The following EIF2S3 variants were observed in gnomAD, a reference collection of about 807,000 sequenced individuals.
The protein encoded by EIF2S3 is eukaryotic translation initiation factor 2 subunit 3.
Under a neutral mutation model 31.7 loss-of-function variants are expected in EIF2S3, and 2 were observed. The ratio of observed to expected loss-of-function variants is 0.06; its 90% CI spans 0.03 to 0.20. The LOEUF (loss-of-function observed/expected upper bound fraction) is 0.20. Among genes scored for constraint, EIF2S3 ranks in the 10% least tolerant of loss-of-function variants. The pLI is 1.00. For synonymous variants in EIF2S3, 120 were observed against 126.7 expected (o/e 0.95, Z 0.36); for missense variants, 96 against 359.3 (o/e 0.27, Z 5.92).
chrX:24,075,028 C>A (rs960448302), intron 11 of EIF2S3, among the ~76,000 whole-genome samples: 8 of 108,680 alleles, frequency 7.4e-5, no homozygotes, highest in Middle Eastern at 4.7e-3. Context: ...CCACACCCGG[C>A]TAATTTTTGT....
At chrX:24,066,719 G>A (rs1364606904) in intron 8 of EIF2S3, among the ~76,000 whole-genome samples, 1 of 110,849 alleles carries the variant, frequency 9.0e-6, no homozygotes, top group Admixed American at 9.6e-5. Flanking sequence ...TCACCATGTT[G>A]GCCAGGCTGG....
At chrX:24,074,862 CTTTT>C (rs758813480) in intron 11 of EIF2S3, among the ~76,000 whole-genome samples, 55 of 47,462 alleles carry the variant, frequency 1.2e-3, no homozygotes, top group Non-Finnish European at 1.6e-3. Context: ...TTTTCTTCTT[CTTTT>C]TTTTTTTTTT....
At chrX:24,075,553 T>G (rs770219113) in intron 11 of EIF2S3, among the ~76,000 whole-genome samples, 1 of 111,608 alleles carries the variant, frequency 9.0e-6, no homozygotes, top group East Asian at 2.8e-4. Flanking sequence ...CATGCTGTGT[T>G]TAATAATTTC....
At position 24,071,565 on chromosome X, in the gene EIF2S3, A is replaced by G. The variant is rs745586952; in HGVS notation, c.1020A>G (p.Gly340=). Residue 340 remains glycine, a synonymous_variant, in exon 10 of 12, where the codon GGA becomes GGG. Coordinates refer to ENST00000253039, the MANE Select transcript of EIF2S3 (RefSeq NM_001415.4). The part of the protein sequence containing the change: ...YAAPGGLIGV[G]TKIDPTLCRA... ...CATCTTATTTTTATATAGGAGTTGG[A>G]ACAAAAATTGACCCCACTTTGTGCC... The G allele has an allele frequency of 5.0e-5, 60 of 1,207,744 alleles. No homozygotes were observed. The highest frequency in any genetic ancestry group is 6.7e-5 in the Non-Finnish European group (60 of 894,548).
chrX:24,060,217 G>A (rs778808561), intron 5 of EIF2S3, 35 bp downstream of exon 5: 7 of 1,098,620 alleles, frequency 6.4e-6, no homozygotes, highest in Non-Finnish European at 1.3e-6. Context: ...ACAAATCAAT[G>A]TGGAACAAAT....
intron 4 of EIF2S3, among the ~76,000 whole-genome samples, chrX:24,058,788 A>G (rs1930446834): frequency 9.1e-6 from 1 of 109,344 alleles, no homozygotes; most frequent in East Asian, 2.9e-4. Flanking sequence ...ACGGGGTTTT[A>G]CCATGTTGGC....
intron 5 of EIF2S3, among the ~76,000 whole-genome samples, 184 bp from the exon 6 acceptor site, chrX:24,062,232 T>G: frequency 9.0e-6 from 1 of 110,834 alleles, no homozygotes; most frequent in East Asian, 2.8e-4. Flanking sequence ...TCCAGAACTT[T>G]TGTATCAGAA....
intron 4 of EIF2S3, among the ~76,000 whole-genome samples, chrX:24,059,445 G>A (rs1331770999): frequency 2.8e-5 from 3 of 105,610 alleles, no homozygotes; most frequent in Non-Finnish European, 3.9e-5. Flanking sequence ...TTTTTGAGAC[G>A]GAGTTTCACT....
At chrX:24,056,302 A>C (rs1004455672) in intron 2 of EIF2S3, among the ~76,000 whole-genome samples, 1 of 112,102 alleles carries the variant, frequency 8.9e-6, no homozygotes, top group African/African-American at 3.2e-5. Context: ...AGCCCAAATA[A>C]GCCTACAGGC....
chrX:24,077,850 CT>C lies in EIF2S3; in HGVS notation c.*1070del, dbSNP rs759230168. On this transcript the variant is annotated 3_prime_UTR_variant, in exon 12 of 12. Coordinates refer to ENST00000253039, the MANE Select transcript of EIF2S3 (RefSeq NM_001415.4). ...ATAATTCTAGATGAGTAACAAAGATCTTTTTAGGCCTTCATTTTATGTTTTT... is the reference window on the plus strand; with the variant it reads ...ATAATTCTAGATGAGTAACAAAGATCTTTTAGGCCTTCATTTTATGTTTTT... The C allele has an allele frequency of 9.0e-6, 1 of 111,410 alleles. No homozygotes were observed. Among genetic ancestry groups the C allele is most frequent in the South Asian group, 3.7e-4 (1 of 2,675 alleles). 9.2% of individuals were successfully genotyped at this position (111,410 alleles called of 1,213,427 possible).
At chrX:24,071,993 G>A (rs748107818) in intron 10 of EIF2S3, among the ~76,000 whole-genome samples, 1 of 106,766 alleles carries the variant, frequency 9.4e-6, no homozygotes, top group African/African-American at 3.4e-5. Flanking sequence ...CTCTTGCCTC[G>A]GTTTCCCAAG....
intron 2 of EIF2S3, among the ~76,000 whole-genome samples, chrX:24,056,321 A>G (rs772182900): frequency 8.9e-6 from 1 of 112,001 alleles, no homozygotes; most frequent in African/African-American, 3.2e-5. Flanking sequence ...GCCTTGAACT[A>G]CTGCCCCTGC....
chrX:24,062,232 T>C (rs1360739122), intron 5 of EIF2S3, among the ~76,000 whole-genome samples, 184 bp from the exon 6 acceptor site: 3 of 110,781 alleles, frequency 2.7e-5, no homozygotes, highest in Non-Finnish European at 5.7e-5. Flanking sequence ...TCCAGAACTT[T>C]TGTATCAGAA....
At chrX:24,065,762 A>T (rs1930562802) in intron 7 of EIF2S3, among the ~76,000 whole-genome samples, 1 of 111,967 alleles carries the variant, frequency 8.9e-6, no homozygotes, top group Non-Finnish European at 1.9e-5. Context: ...TAGCTGCGTG[A>T]TGCTCTATAA....
chrX:24,058,495 G>A (rs1930437468), intron 4 of EIF2S3, among the ~76,000 whole-genome samples: 1 of 106,032 alleles, frequency 9.4e-6, no homozygotes, highest in Non-Finnish European at 1.9e-5. Context: ...CATTAATTTC[G>A]ACTTTTTAAA....
chrX:24,064,379 C>T lies in EIF2S3; in HGVS notation c.772+44C>T, dbSNP rs768460610. On this transcript the variant is annotated intron_variant, in intron 7 of 11. Coordinates refer to ENST00000253039, the MANE Select transcript of EIF2S3 (RefSeq NM_001415.4). ...CTTTAACTCTTAATCTGATCTTTTC[C>T]ACATTGGTGATTCCTCTTCAAGGAT... 48 of 1,109,696 alleles carry T rather than the reference C, an allele frequency of 4.3e-5. No homozygotes were observed. The South Asian group carries it at 1.0e-3, about 24-fold the overall frequency. 91.5% of individuals were successfully genotyped at this position (1,109,696 alleles called of 1,213,427 possible).
rs879230822 is a variant in EIF2S3, at chrX:24,076,926, C to CTTTTTTTTTTTTTTTTTT, written c.*145_*162dup. Reference sequence around the variant, plus strand: ...TAGTAGGTAACGGTAAGGTTATTCTCTTTTTTTTTTTTTTTTTTTTTGGTT... The same window carrying CTTTTTTTTTTTTTTTTTT: ...TAGTAGGTAACGGTAAGGTTATTCTCTTTTTTTTTTTTTTTTTTTTTTTTTTTTTTTTTTTTTTTGGTT... On this transcript the variant is annotated 3_prime_UTR_variant, in exon 12 of 12. Coordinates refer to ENST00000253039, the MANE Select transcript of EIF2S3 (RefSeq NM_001415.4). 1 of 153,408 alleles carries CTTTTTTTTTTTTTTTTTT rather than the reference C, an allele frequency of 6.5e-6. No individual in the cohort carries two copies. The highest frequency in any genetic ancestry group is 1.1e-5 in the Non-Finnish European group (1 of 94,028). The allele number at this position is 153,408 out of a possible 1,213,427, so 12.6% of individuals were successfully genotyped here.
intron 9 of EIF2S3, among the ~76,000 whole-genome samples, chrX:24,069,392 A>C (rs1398415957): frequency 3.7e-5 from 4 of 107,150 alleles, no homozygotes; most frequent in African/African-American, 1.4e-4. Flanking sequence ...AAAAAAAAAA[A>C]CAAGAAGAAA....
At position 24,078,136 on chromosome X, in the gene EIF2S3, G is replaced by A. The variant is rs1930785533; in HGVS notation, c.*1351G>A. Among the ~76,000 whole-genome samples the A allele has an allele frequency of 9.1e-6, 1 of 109,455 alleles. No homozygotes were observed. The highest frequency in any genetic ancestry group is 3.9e-4 in the South Asian group (1 of 2,546). On this transcript the variant is annotated 3_prime_UTR_variant, in exon 12 of 12. Coordinates refer to ENST00000253039, the MANE Select transcript of EIF2S3 (RefSeq NM_001415.4). ...TGCCTCCCTGATTCAAGTGATTCTCGTGCTTCAGCCTCCCATGTAGCTGAT... is the reference window on the plus strand; with the variant it reads ...TGCCTCCCTGATTCAAGTGATTCTCATGCTTCAGCCTCCCATGTAGCTGAT...
Sources: allele counts gnomAD v4.1 joint callset (sites outside exome capture counted in the v4.1 genomes callset), GRCh38; gene constraint gnomAD v4.1.1; transcripts MANE v1.5; gene names NCBI Gene and HGNC (gene_info 2026-07-23, HGNC 2026-07-21).